Variants in DNAAF9 observed in about 807,000 individuals in gnomAD.
DNAAF9 encodes shulin.
Under a neutral mutation model 167.0 loss-of-function variants are expected in DNAAF9, and 90 were observed. The ratio of observed to expected loss-of-function variants is 0.54; its 90% CI spans 0.45 to 0.64. The LOEUF (loss-of-function observed/expected upper bound fraction) is 0.64, where lower values mean the gene tolerates loss of function less well. DNAAF9 is among the 30% of genes least tolerant of loss of function. DNAAF9 has a pLI of 0.00. For synonymous variants in DNAAF9, 491 were observed against 508.8 expected (o/e 0.96, Z 0.47); for missense variants, 1,315 against 1,442.2 (o/e 0.91, Z 1.43).
At chr20:3,296,614 C>A in intron 23 of DNAAF9, 1 of 465,582 alleles carries the variant, frequency 2.1e-6, no homozygotes, top group Non-Finnish European at 3.8e-6. Context: ...TTCTTGTGCT[C>A]AATTCATCCT....
At chr20:3,288,016 C>T (rs912600078) in intron 26 of DNAAF9, among the ~76,000 whole-genome samples, 1 of 152,162 alleles carries the variant, frequency 6.6e-6, no homozygotes, top group Non-Finnish European at 1.5e-5. Flanking sequence ...ATAGGAAACC[C>T]CTTGCCATAG....
chr20:3,266,953 A>G (rs1415465568), intron 30 of DNAAF9, among the ~76,000 whole-genome samples: 1 of 144,024 alleles, frequency 6.9e-6, no homozygotes, highest in Non-Finnish European at 1.5e-5. Flanking sequence ...CCTGGGTTCA[A>G]GCCATTCTCC....
intron 3 of DNAAF9, among the ~76,000 whole-genome samples, chr20:3,376,741 G>A (rs2083580799): frequency 6.6e-6 from 1 of 152,210 alleles, no homozygotes; most frequent in Non-Finnish European, 1.5e-5. Context: ...CTGGCAATTG[G>A]TTGAAAGAGT....
chr20:3,372,373 C>T (rs192425163), intron 6 of DNAAF9, among the ~76,000 whole-genome samples: 1 of 152,292 alleles, frequency 6.6e-6, no homozygotes, highest in African/African-American at 2.4e-5. Context: ...TGAGCAGCTA[C>T]AGAAAAGGGC....
At chr20:3,278,842 A>G (rs76887026) in intron 29 of DNAAF9, 70 bp downstream of exon 29, 35,431 of 1,159,842 alleles carry the variant, frequency 0.031, 762 homozygotes, top group African/African-American at 0.095. Context: ...AAGAGCACGA[A>G]GAAAAGTCTA....
chr20:3,276,957 C>T (rs746693077), intron 29 of DNAAF9, among the ~76,000 whole-genome samples: 1 of 152,168 alleles, frequency 6.6e-6, no homozygotes, highest in Non-Finnish European at 1.5e-5. Flanking sequence ...TGGACCCTAC[C>T]CCTTCCTTCT....
intron 1 of DNAAF9, among the ~76,000 whole-genome samples, chr20:3,404,563 C>T (rs1187893807): frequency 6.6e-6 from 1 of 152,088 alleles, no homozygotes; most frequent in Non-Finnish European, 1.5e-5. Context: ...ATTGTTCTTT[C>T]GGCCGTATTT....
intron 23 of DNAAF9, 34 bp from the exon 24 acceptor site, chr20:3,294,663 A>G: frequency 7.2e-7 from 1 of 1,385,162 alleles, no homozygotes; most frequent in Non-Finnish European, 1.0e-6. Flanking sequence ...TTAGAAGTCC[A>G]TCTTCCTTCA....
chr20:3,309,982 C>A (rs956486186), intron 20 of DNAAF9, among the ~76,000 whole-genome samples: 2 of 152,016 alleles, frequency 1.3e-5, no homozygotes, highest in East Asian at 1.9e-4. Flanking sequence ...CACCTGAAGT[C>A]GGGAGATTGA....
intron 36 of DNAAF9, 83 bp from the exon 37 acceptor site, chr20:3,252,767 A>AG (rs2068215547): frequency 3.7e-6 from 3 of 819,664 alleles, no homozygotes; most frequent in South Asian, 1.4e-5. Flanking sequence ...TAGGCAGGTG[A>AG]GGGGGGTTTG....
chr20:3,355,498 C>T (rs1358912946), intron 7 of DNAAF9, among the ~76,000 whole-genome samples: 4 of 151,520 alleles, frequency 2.6e-5, no homozygotes, highest in African/African-American at 9.7e-5. Flanking sequence ...CACTTGAACC[C>T]AGGAGGTGGA....
At chr20:3,346,696 C>T (rs1035482726) in intron 8 of DNAAF9, among the ~76,000 whole-genome samples, 2 of 152,054 alleles carry the variant, frequency 1.3e-5, no homozygotes, top group Non-Finnish European at 2.9e-5. Context: ...GGTTTGTTAC[C>T]TACTGTCAAT....
chr20:3,304,230 T>G (rs1165710380), intron 21 of DNAAF9, among the ~76,000 whole-genome samples: 3 of 152,170 alleles, frequency 2.0e-5, no homozygotes, highest in South Asian at 4.1e-4. Flanking sequence ...GTAAGCCCTT[T>G]ACAGAGCAGT....
chr20:3,269,843 A>G (rs1191083978), intron 30 of DNAAF9, among the ~76,000 whole-genome samples: 1 of 151,840 alleles, frequency 6.6e-6, no homozygotes, highest in Non-Finnish European at 1.5e-5. Flanking sequence ...CTGTAGTCCC[A>G]GCTACTCAGG....
intron 1 of DNAAF9, among the ~76,000 whole-genome samples, chr20:3,395,108 C>T (rs1319765491): frequency 6.7e-6 from 1 of 148,602 alleles, no homozygotes; most frequent in Non-Finnish European, 1.5e-5. Flanking sequence ...GCTGGGACTA[C>T]AGGCGTGCGC....
In DNAAF9 at chr20:3,252,485, G is replaced by A; in HGVS notation, c.*87C>T. The stretch of plus-strand genomic sequence containing the variant: ...AGAACAAAGACAGCCCCTTAAGGGA[G>A]AGGCCTCCAGCAGAGCTGAGGTTAA... On this transcript the variant is annotated 3_prime_UTR_variant, in exon 37 of 37. Coordinates refer to ENST00000252032, the MANE Select transcript of DNAAF9 (RefSeq NM_001009984.3). 1 of 772,400 alleles carries A rather than the reference G, an allele frequency of 1.3e-6. No homozygotes were observed. The highest frequency in any genetic ancestry group is 1.5e-5 in the South Asian group (1 of 67,558). 47.8% of individuals were successfully genotyped at this position (772,400 alleles called of 1,614,324 possible). A position where few individuals can be genotyped will look rare whatever the true frequency, so the allele number is the denominator to read the frequency against.
At chr20:3,360,962 G>C (rs1414646240) in intron 6 of DNAAF9, among the ~76,000 whole-genome samples, 1 of 152,150 alleles carries the variant, frequency 6.6e-6, no homozygotes, top group Admixed American at 6.5e-5. Flanking sequence ...CAAAACCTGA[G>C]CTAAAAACAA....
chr20:3,352,209 G>C (rs376589764), intron 7 of DNAAF9, among the ~76,000 whole-genome samples: 1 of 152,128 alleles, frequency 6.6e-6, no homozygotes, highest in Non-Finnish European at 1.5e-5. Flanking sequence ...ATAGAAATGC[G>C]CATGTACTTG....
intron 12 of DNAAF9, among the ~76,000 whole-genome samples, chr20:3,328,034 C>T (rs545368742): frequency 6.6e-6 from 1 of 152,320 alleles, no homozygotes; most frequent in African/African-American, 2.4e-5. Flanking sequence ...AGATATCCCC[C>T]TCCTCAGCTG....
Sources: allele counts gnomAD v4.1 joint callset (sites outside exome capture counted in the v4.1 genomes callset), GRCh38; gene constraint gnomAD v4.1.1; transcripts MANE v1.5; gene names NCBI Gene and HGNC (gene_info 2026-07-23, HGNC 2026-07-21).